Variants in SYT6 observed in about 807,000 individuals in gnomAD.
SYT6 encodes the protein synaptotagmin-6.
SYT6 carries 24 observed loss-of-function variants against 38.4 expected under a neutral mutation model. The observed-to-expected ratio is 0.62, with a 90% CI of 0.45 to 0.88. The LOEUF is 0.88. Ranked by LOEUF, SYT6 falls within the 40% of genes least tolerant of loss-of-function variation. The probability of loss-of-function intolerance (pLI) is 0.00; values close to 1 mark genes in which losing one functional copy is unlikely to be tolerated. For missense variants in SYT6, 611 were observed against 621.0 expected, an observed-to-expected ratio of 0.98 and a Z score of 0.17; for synonymous variants, 265 against 241.9, an observed-to-expected ratio of 1.10 and a Z score of -0.89.
chr1:114,142,095 T>C (rs148621561), intron 1 of SYT6, among the ~76,000 whole-genome samples: 146 of 152,314 alleles, frequency 9.6e-4, no homozygotes, highest in African/African-American at 3.4e-3. Flanking sequence ...AGCCCATGGA[T>C]CAAGGAGTAA....
chr1:114,107,654 G>T (rs1208568115), intron 3 of SYT6, among the ~76,000 whole-genome samples: 1 of 147,686 alleles, frequency 6.8e-6, no homozygotes, highest in African/African-American at 2.6e-5. Context: ...GGTTAATTTT[G>T]AGTAAATAAG....
intron 3 of SYT6, among the ~76,000 whole-genome samples, chr1:114,129,564 TTTTCTTTC>T (rs58281086): frequency 0.037 from 4,225 of 112,780 alleles, 107 homozygotes; most frequent in Non-Finnish European, 0.045. Context: ...TTTTTCTTTC[TTTTCTTTC>T]TTTCTTTCTT....
chr1:114,091,962 T>C lies in SYT6; in HGVS notation c.*172A>G, dbSNP rs576447563. 88 of 1,521,346 alleles carry C rather than the reference T, an allele frequency of 5.8e-5. No individual in the cohort carries two copies. In the African/African-American group the frequency reaches 1.1e-3, roughly 19 times the overall value. The allele number at this position is 1,521,346 out of a possible 1,614,324, so 94.2% of individuals were successfully genotyped here. A position where few individuals can be genotyped will look rare whatever the true frequency, so the allele number is the denominator to read the frequency against. ...AACACTGTTTAGACGGTTGAACAAG[T>C]GCAAAGAGAACATTGCTGAGTCCCA... On this transcript the variant is annotated 3_prime_UTR_variant, in exon 8 of 8. Transcript: ENST00000610222.
intron 6 of SYT6, among the ~76,000 whole-genome samples, chr1:114,095,734 C>T (rs1379706457): frequency 6.6e-6 from 1 of 151,580 alleles, no homozygotes; most frequent in East Asian, 1.9e-4. Context: ...GATCTCAGCT[C>T]ACTGCAAGCT....
chr1:114,093,086 T>C (rs1675419449), intron 7 of SYT6, among the ~76,000 whole-genome samples: 1 of 152,120 alleles, frequency 6.6e-6, no homozygotes, highest in Non-Finnish European at 1.5e-5. Flanking sequence ...GTTGAGGGTC[T>C]CCACTATGGA....
At chr1:114,143,928 C>G (rs1363937552) in intron 1 of SYT6, among the ~76,000 whole-genome samples, 1 of 152,142 alleles carries the variant, frequency 6.6e-6, no homozygotes, top group Non-Finnish European at 1.5e-5. Flanking sequence ...TCCCACTTCC[C>G]TCTCCAAATT....
chr1:114,148,629 A>G (rs1020306532), intron 1 of SYT6, among the ~76,000 whole-genome samples: 1 of 152,208 alleles, frequency 6.6e-6, no homozygotes. Context: ...GGAAGAGAAG[A>G]GATTCTGGGC....
At chr1:114,152,078 C>G (rs531089692) in intron 1 of SYT6, 1 of 152,504 alleles carries the variant, frequency 6.6e-6, no homozygotes, top group South Asian at 2.1e-4. Context: ...CTCACACACA[C>G]AAGCCTCCCC....
intron 4 of SYT6, among the ~76,000 whole-genome samples, chr1:114,099,800 AT>A (rs2101628097): frequency 6.6e-6 from 1 of 152,294 alleles, no homozygotes; most frequent in Non-Finnish European, 1.5e-5. Flanking sequence ...AACAATCACA[AT>A]GCTGTTCATG....
At chr1:114,130,305 T>C (rs569405688) in intron 3 of SYT6, among the ~76,000 whole-genome samples, 1 of 152,380 alleles carries the variant, frequency 6.6e-6, no homozygotes, top group Non-Finnish European at 1.5e-5. Context: ...GAGCAGGGAC[T>C]TTGTTGACTG....
At chr1:114,108,046 G>A (rs1676436946) in intron 3 of SYT6, among the ~76,000 whole-genome samples, 1 of 151,780 alleles carries the variant, frequency 6.6e-6, no homozygotes, top group Non-Finnish European at 1.5e-5. Context: ...GAGCTGATAG[G>A]GTAGATCTGA....
At chr1:114,118,307 C>T (rs1306578237) in intron 3 of SYT6, among the ~76,000 whole-genome samples, 2 of 152,228 alleles carry the variant, frequency 1.3e-5, no homozygotes, top group African/African-American at 4.8e-5. Flanking sequence ...GCTAATGTCT[C>T]TCATTGGTAA....
chr1:114,095,119 G>A (rs1312473173), intron 6 of SYT6, among the ~76,000 whole-genome samples: 4 of 152,208 alleles, frequency 2.6e-5, no homozygotes, highest in African/African-American at 4.8e-5. Flanking sequence ...AGGATCGTGC[G>A]TGGGGGAGGG....
intron 4 of SYT6, among the ~76,000 whole-genome samples, chr1:114,100,758 C>G (rs1675921531): frequency 6.6e-6 from 1 of 152,202 alleles, no homozygotes; most frequent in African/African-American, 2.4e-5. Context: ...GGATATGCCC[C>G]AGGACATTAT....
At chr1:114,125,814 G>T (rs997163114) in intron 3 of SYT6, among the ~76,000 whole-genome samples, 1 of 152,132 alleles carries the variant, frequency 6.6e-6, no homozygotes, top group Admixed American at 6.5e-5. Flanking sequence ...TTTGATAAAC[G>T]GCCTCTTTTT....
intron 3 of SYT6, among the ~76,000 whole-genome samples, chr1:114,117,558 T>A: frequency 6.6e-6 from 1 of 152,206 alleles, no homozygotes; most frequent in Non-Finnish European, 1.5e-5. Context: ...AGGCCCCAGC[T>A]CCTGCCTGCA....
intron 3 of SYT6, among the ~76,000 whole-genome samples, chr1:114,115,343 A>C (rs1676929587): frequency 1.3e-5 from 2 of 152,240 alleles, no homozygotes; most frequent in African/African-American, 4.8e-5. Context: ...TTGGTGATTA[A>C]AGCCAAAGTC....
intron 3 of SYT6, among the ~76,000 whole-genome samples, chr1:114,136,612 C>G (rs924965006): frequency 9.2e-5 from 14 of 152,336 alleles, no homozygotes; most frequent in African/African-American, 2.9e-4. Context: ...CTCTTAAAAG[C>G]CAACTTGAGC....
intron 3 of SYT6, among the ~76,000 whole-genome samples, chr1:114,129,324 G>C (rs1003286884): frequency 6.6e-6 from 1 of 152,034 alleles, no homozygotes; most frequent in Non-Finnish European, 1.5e-5. Flanking sequence ...CCTTTCCTCT[G>C]ACTGTGTACA....
Sources: gnomAD v4.1 joint callset for allele counts (sites outside exome capture counted in the v4.1 genomes callset) on GRCh38, gnomAD v4.1.1 for gene constraint, MANE v1.5 for transcripts, NCBI Gene and HGNC (gene_info 2026-07-23, HGNC 2026-07-21) for gene names.